Variants in SLC5A1 observed in about 807,000 individuals in gnomAD.
SLC5A1 encodes sodium/glucose cotransporter 1.
A neutral mutation model predicts 73.5 loss-of-function variants in SLC5A1; 42 were observed. The observed-to-expected ratio is 0.57, with a 90% CI of 0.45 to 0.74. The LOEUF (loss-of-function observed/expected upper bound fraction) is 0.74. SLC5A1 is among the 30% of genes least tolerant of loss of function. The pLI is 0.00. For missense variants in SLC5A1, 634 were observed against 855.4 expected (o/e 0.74, Z 3.23); for synonymous variants, 300 against 317.4 (o/e 0.95, Z 0.58).
At chr22:32,086,424 A>G (rs1043455382) in intron 10 of SLC5A1, 97 bp downstream of exon 10, 41 of 860,146 alleles carry the variant, frequency 4.8e-5, no homozygotes, top group South Asian at 2.7e-5. Context: ...GGGCAAAGAC[A>G]TTTCTTAGCC....
intron 10 of SLC5A1, among the ~76,000 whole-genome samples, chr22:32,090,656 T>C (rs1333188237): frequency 6.6e-6 from 1 of 151,914 alleles, no homozygotes; most frequent in African/African-American, 2.4e-5. Context: ...AGTGGACATA[T>C]GTTTTCATTT....
chr22:32,087,004 G>A (rs2094009396), intron 10 of SLC5A1, among the ~76,000 whole-genome samples: 1 of 152,124 alleles, frequency 6.6e-6, no homozygotes, highest in African/African-American at 2.4e-5. Flanking sequence ...AAATACTTTA[G>A]ACTCAAACAA....
At chr22:32,091,914 C>T (rs986021717) in intron 11 of SLC5A1, 152 bp downstream of exon 11, 1 of 563,818 alleles carries the variant, frequency 1.8e-6, no homozygotes, top group Non-Finnish European at 3.0e-6. Context: ...TGGCATTTAA[C>T]TTTATTTACT....
At chr22:32,060,129 A>C (rs2093959080) in intron 2 of SLC5A1, among the ~76,000 whole-genome samples, 1 of 41,592 alleles carries the variant, frequency 2.4e-5, no homozygotes, top group Admixed American at 3.1e-4. Flanking sequence ...ATACATACAC[A>C]CATATATATA....
chr22:32,071,372 G>C (rs2093982588), intron 5 of SLC5A1, among the ~76,000 whole-genome samples: 1 of 152,170 alleles, frequency 6.6e-6, no homozygotes, highest in African/African-American at 2.4e-5. Context: ...AGGATCACTT[G>C]ATCCCAGGAA....
chr22:32,066,946 C>T lies in SLC5A1; in HGVS notation c.219C>T (p.Ser73=). The change falls in exon 3 of 15, where the codon TCC becomes TCT. Residue 73 remains serine (S), a synonymous_variant. Coordinates refer to ENST00000266088, the MANE Select transcript of SLC5A1 (RefSeq NM_000343.4). The stretch of plus-strand genomic sequence containing the variant: ...TTTTGCGTTTCCAGATTGGAGCCTC[C>T]CTCTTTGCTAGTAACATTGGAAGTG... The part of the protein sequence containing the change: ...RSMVWWPIGA[S]LFASNIGSGH... The T allele has an allele frequency of 6.2e-7, 1 of 1,613,282 alleles. No homozygotes were observed. Among genetic ancestry groups the T allele is most frequent in the Non-Finnish European group, 8.5e-7 (1 of 1,179,380 alleles).
At chr22:32,081,152 TAGGAGA>T (rs2149491484) in intron 5 of SLC5A1, among the ~76,000 whole-genome samples, 1 of 152,108 alleles carries the variant, frequency 6.6e-6, no homozygotes, top group African/African-American at 2.4e-5. Context: ...GAAGGTTCAT[TAGGAGA>T]AGGCTGAAAG....
intron 5 of SLC5A1, among the ~76,000 whole-genome samples, chr22:32,070,655 C>T (rs2093981561): frequency 6.6e-6 from 1 of 152,090 alleles, no homozygotes; most frequent in Non-Finnish European, 1.5e-5. Context: ...CTTTACTTCA[C>T]TTTTTCTTCC....
intron 2 of SLC5A1, among the ~76,000 whole-genome samples, chr22:32,056,369 T>G (rs1051171094): frequency 2.0e-5 from 3 of 151,942 alleles, no homozygotes; most frequent in African/African-American, 7.3e-5. Flanking sequence ...GTTGCCAGAT[T>G]TCACAAATAA....
rs189129970 is a variant in SLC5A1 at position 32,108,322 on chromosome 22, C to T, written c.1772-1668C>T. ...TTCACCATGTTAGCCAGGATAGTCT[C>T]GATCTCCTGACCTCGTGATCCACCC... On this transcript the variant is annotated intron_variant, in intron 14 of 14. Transcript: ENST00000266088. Among the ~76,000 whole-genome samples, 423 of 152,164 alleles carry T rather than the reference C, an allele frequency of 2.8e-3. 1 individual carries two copies. The highest frequency in any genetic ancestry group is 9.2e-3 in the African/African-American group (381 of 41,500).
chr22:32,110,081 T>C lies in SLC5A1; in HGVS notation c.1863T>C (p.Thr621=). ...GLEQHGAPKM[T]EEEEKAMKMK... ...AGCAGCACGGTGCACCCAAGATGAC[T>C]GAGGAAGAGGAGAAAGCCATGAAGA... is the stretch of plus-strand genomic sequence containing the variant. The change falls in exon 15 of 15, where the codon ACT becomes ACC. Residue 621 remains threonine, a synonymous_variant. Coordinates refer to ENST00000266088, the MANE Select transcript of SLC5A1 (RefSeq NM_000343.4). The C allele has an allele frequency of 6.2e-7, 1 of 1,614,062 alleles. No individual in the cohort carries two copies. The highest frequency in any genetic ancestry group is 8.5e-7 in the Non-Finnish European group (1 of 1,179,950).
chr22:32,075,221 A>C (rs2093989047), intron 5 of SLC5A1, among the ~76,000 whole-genome samples: 1 of 151,388 alleles, frequency 6.6e-6, no homozygotes, highest in Non-Finnish European at 1.5e-5. Context: ...TGGGATTTTT[A>C]TTTTATTTTC....
intron 9 of SLC5A1, 38 bp from the exon 10 acceptor site, chr22:32,086,182 A>G (rs199618408): frequency 1.6e-6 from 2 of 1,268,788 alleles, no homozygotes; most frequent in East Asian, 2.3e-5. Context: ...TATTTCCCCA[A>G]TGTCTGCTTG....
rs1220770584 is a variant in SLC5A1 at position 32,099,101 on chromosome 22, AAAAAATAT to A, written c.1281-80_1281-73del. On this transcript the variant is annotated intron_variant, in intron 11 of 14. Transcript: ENST00000266088. ...CTCTGTCTCAAAAAAAAAAAAAAAA[AAAAAATAT>A]ATATATATATATATATATATATACT... 437 of 130,962 alleles carry A rather than the reference AAAAAATAT, an allele frequency of 3.3e-3. 1 individual carries two copies. The highest frequency in any genetic ancestry group is 0.015 in the South Asian group (56 of 3,744). The allele number at this position is 130,962 out of a possible 1,614,324, so 8.1% of individuals were successfully genotyped here. A position where few individuals can be genotyped will look rare whatever the true frequency, so the allele number is the denominator to read the frequency against.
intron 5 of SLC5A1, among the ~76,000 whole-genome samples, chr22:32,071,139 G>A (rs1190714834): frequency 6.6e-6 from 1 of 152,152 alleles, no homozygotes; most frequent in African/African-American, 2.4e-5. Flanking sequence ...AACACAAAGT[G>A]TTCTTGAAAT....
At chr22:32,084,702 G>C in intron 8 of SLC5A1, 43 bp downstream of exon 8, 1 of 1,570,916 alleles carries the variant, frequency 6.4e-7, no homozygotes, top group Non-Finnish European at 8.8e-7. Flanking sequence ...TCTTCTCCAG[G>C]GCCCTACAGG....
At position 32,091,339 on chromosome 22, in the gene SLC5A1, A is replaced by C. The variant is rs1163480822; in HGVS notation, c.1130-273A>C. ...CACACACACACACACACACACACAC[A>C]CACCCCACCACCTTCATCATCGTCC... On this transcript the variant is annotated intron_variant, in intron 10 of 14. Coordinates refer to ENST00000266088, the MANE Select transcript of SLC5A1 (RefSeq NM_000343.4). Among the ~76,000 whole-genome samples the C allele has an allele frequency of 1.2e-4, 16 of 128,724 alleles. No individual in the cohort carries two copies. The South Asian group carries it at 2.8e-3, about 22-fold the overall frequency. The allele number at this position is 128,724 out of a possible 152,430, so 84.4% of individuals were successfully genotyped here.
chr22:32,057,634 G>T (rs943232372), intron 2 of SLC5A1, among the ~76,000 whole-genome samples: 2 of 152,082 alleles, frequency 1.3e-5, no homozygotes, highest in Non-Finnish European at 2.9e-5. Flanking sequence ...TGTCCTTAGG[G>T]TGTGAAAGTA....
At chr22:32,102,496 G>A (rs963593295) in intron 13 of SLC5A1, among the ~76,000 whole-genome samples, 8 of 151,978 alleles carry the variant, frequency 5.3e-5, no homozygotes, top group African/African-American at 1.9e-4. Context: ...TACAGATTAT[G>A]GTGGCTCATG....
Sources: allele counts gnomAD v4.1 joint callset (sites outside exome capture counted in the v4.1 genomes callset), GRCh38; gene constraint gnomAD v4.1.1; transcripts MANE v1.5; gene names NCBI Gene and HGNC (gene_info 2026-07-23, HGNC 2026-07-21).